ADGRL4: variants seen among roughly 807,000 people sequenced by gnomAD.
The protein encoded by ADGRL4 is adhesion G protein-coupled receptor L4.
In ADGRL4, 90 loss-of-function variants were observed where a neutral mutation model predicts 74.8. That is an observed-to-expected ratio of 1.20 (90% CI 1.02 to 1.43). The LOEUF is 1.43. Among genes scored for constraint, ADGRL4 ranks in the 40% most tolerant of loss-of-function variants. ADGRL4 has a pLI of 0.00. For missense variants in ADGRL4, 881 were observed against 814.3 expected, an observed-to-expected ratio of 1.08 and a Z score of -1.00; for synonymous variants, 311 against 279.2, an observed-to-expected ratio of 1.11 and a Z score of -1.14.
rs567932926 is a variant in ADGRL4, at chr1:78,920,651, C to A, written c.1258-265G>T. Among the ~76,000 whole-genome samples, 29 of 151,772 alleles carry A rather than the reference C, an allele frequency of 1.9e-4. No homozygotes were observed. The South Asian group carries it at 5.4e-3, about 28-fold the overall frequency. ...TCTAGGCATAGTATTAGTATTAGTA[C>A]ATGGTTTAACAATGTTATCGTCATT... On this transcript the variant is annotated intron_variant, in intron 9 of 14. Transcript: ENST00000370742.
chr1:78,990,471 G>T (rs902482255), intron 2 of ADGRL4, among the ~76,000 whole-genome samples: 6 of 151,842 alleles, frequency 4.0e-5, no homozygotes, highest in Admixed American at 3.3e-4. Flanking sequence ...TTTTCCTATG[G>T]ATTACAATCT....
chr1:78,993,819 C>T (rs1162266035), intron 2 of ADGRL4, among the ~76,000 whole-genome samples: 2 of 152,000 alleles, frequency 1.3e-5, no homozygotes, highest in South Asian at 2.1e-4. Flanking sequence ...GTGATCCGTC[C>T]GCCTTGGCCT....
chr1:78,999,361 G>C (rs906950914), intron 2 of ADGRL4, among the ~76,000 whole-genome samples: 1 of 152,130 alleles, frequency 6.6e-6, no homozygotes, highest in South Asian at 2.1e-4. Context: ...AATTTTCATG[G>C]AAAAGCAGCA....
chr1:78,917,748 G>C, intron 11 of ADGRL4, 48 bp from the exon 12 acceptor site: 1 of 1,584,250 alleles, frequency 6.3e-7, no homozygotes, highest in Non-Finnish European at 8.7e-7. Context: ...TTGCATGTAT[G>C]TTAACATAGC....
At chr1:78,933,837 C>T (rs897916018) in intron 7 of ADGRL4, among the ~76,000 whole-genome samples, 4 of 147,046 alleles carry the variant, frequency 2.7e-5, no homozygotes, top group Admixed American at 6.6e-5. Flanking sequence ...ACAATTGCTA[C>T]AAAGAGAACA....
chr1:78,931,163 G>A (rs533823841), intron 7 of ADGRL4, among the ~76,000 whole-genome samples: 2 of 151,342 alleles, frequency 1.3e-5, no homozygotes, highest in East Asian at 3.9e-4. Context: ...AGGAAAAAAT[G>A]TTATGGGCAG....
Position 78,929,836 on chromosome 1 carries a change from G to A in ADGRL4, c.878-2745C>T, listed in dbSNP as rs546345454. Among the ~76,000 whole-genome samples the A allele has an allele frequency of 1.6e-3, 238 of 151,376 alleles. 1 individual carries two copies. Among genetic ancestry groups the A allele is most frequent in the Admixed American group, 4.8e-3 (73 of 15,248 alleles). ...GTACAATCAGACAAAATTTCTTCAG[G>A]ATATTAATTCCATGACAATTTCATC... On this transcript the variant is annotated intron_variant, in intron 7 of 14. Transcript: ENST00000370742.
intron 2 of ADGRL4, among the ~76,000 whole-genome samples, chr1:78,949,312 T>G (rs377334171): frequency 1.3e-5 from 2 of 152,204 alleles, no homozygotes; most frequent in East Asian, 3.9e-4. Context: ...CATTAATAGG[T>G]AGAAAAAAAC....
intron 2 of ADGRL4, among the ~76,000 whole-genome samples, chr1:78,965,124 A>T (rs965592104): frequency 6.6e-6 from 1 of 152,154 alleles, no homozygotes; most frequent in African/African-American, 2.4e-5. Flanking sequence ...GCTTATAATT[A>T]TCTAGTCCAG....
intron 8 of ADGRL4, among the ~76,000 whole-genome samples, chr1:78,925,929 A>G (rs1050081094): frequency 2.6e-5 from 4 of 152,106 alleles, no homozygotes; most frequent in Non-Finnish European, 5.9e-5. Flanking sequence ...CATCTAAAAA[A>G]GAAGTCTAAG....
intron 2 of ADGRL4, among the ~76,000 whole-genome samples, chr1:78,975,978 A>C (rs922149254): frequency 2.6e-5 from 4 of 152,002 alleles, no homozygotes; most frequent in African/African-American, 9.7e-5. Context: ...AAAAAACAGT[A>C]ATCCCTGAAA....
At chr1:78,901,471 A>T (rs1276243877) in intron 12 of ADGRL4, among the ~76,000 whole-genome samples, 1 of 152,198 alleles carries the variant, frequency 6.6e-6, no homozygotes, top group Non-Finnish European at 1.5e-5. Context: ...GAAAGGGCAC[A>T]TAAAGGATTG....
At chr1:78,950,640 G>A (rs1649703553) in intron 2 of ADGRL4, among the ~76,000 whole-genome samples, 1 of 151,872 alleles carries the variant, frequency 6.6e-6, no homozygotes, top group Non-Finnish European at 1.5e-5. Context: ...AAGAAAAGAG[G>A]GTAGGATTAA....
chr1:78,902,620 A>T (rs964424452), intron 12 of ADGRL4, among the ~76,000 whole-genome samples: 1 of 152,228 alleles, frequency 6.6e-6, no homozygotes, highest in African/African-American at 2.4e-5. Context: ...CTAAACTGAC[A>T]TCTACAATTT....
At chr1:78,936,075 GA>G (rs1307459775) in intron 7 of ADGRL4, among the ~76,000 whole-genome samples, 1 of 20,172 alleles carries the variant, frequency 5.0e-5, no homozygotes, top group Non-Finnish European at 1.2e-4. Flanking sequence ...AGTGAGCCGA[GA>G]TTGCGCCACT....
At chr1:78,901,575 T>C (rs1648519613) in intron 12 of ADGRL4, among the ~76,000 whole-genome samples, 1 of 152,172 alleles carries the variant, frequency 6.6e-6, no homozygotes, top group African/African-American at 2.4e-5. Context: ...AAGCAGTGGA[T>C]TGAGCCAGCA....
At chr1:79,004,517 A>T (rs370033702) in intron 2 of ADGRL4, among the ~76,000 whole-genome samples, 17 of 152,230 alleles carry the variant, frequency 1.1e-4, no homozygotes, top group African/African-American at 4.1e-4. Context: ...AGTAGCATGA[A>T]GTTCTATGAT....
rs1649580235 is a variant in ADGRL4, at chr1:78,945,434, A to G, written c.325+840T>C. Among the ~76,000 whole-genome samples the G allele has an allele frequency of 2.0e-5, 3 of 151,888 alleles. No homozygotes were observed. The South Asian group carries it at 6.2e-4, about 31-fold the overall frequency. On this transcript the variant is annotated intron_variant, in intron 3 of 14. Coordinates refer to ENST00000370742, the MANE Select transcript of ADGRL4 (RefSeq NM_022159.4). ...AATTATAATAGTTATTGATAAGTTGAATATTTTTTAGAAACCATGCTTAAG... is the reference window on the plus strand; with the variant it reads ...AATTATAATAGTTATTGATAAGTTGGATATTTTTTAGAAACCATGCTTAAG...
chr1:78,893,027 T>C (rs1570205316), intron 13 of ADGRL4, 71 bp downstream of exon 13: 1 of 833,616 alleles, frequency 1.2e-6, no homozygotes, highest in East Asian at 2.6e-5. Flanking sequence ...CCAAATTATT[T>C]GTACTTTGAG....
Sources: gnomAD v4.1 joint callset for allele counts (sites outside exome capture counted in the v4.1 genomes callset) on GRCh38, gnomAD v4.1.1 for gene constraint, MANE v1.5 for transcripts, NCBI Gene and HGNC (gene_info 2026-07-23, HGNC 2026-07-21) for gene names.